The following ADGRB1 variants were observed in gnomAD, a reference collection of about 807,000 sequenced individuals.
ADGRB1 encodes brain-specific angiogenesis inhibitor 1.
In ADGRB1, 36 loss-of-function variants were observed where a neutral mutation model predicts 175.7. The ratio of observed to expected loss-of-function variants is 0.20; its 90% CI spans 0.16 to 0.27. ADGRB1 has a LOEUF of 0.27. Ranked by LOEUF, ADGRB1 falls within the 10% of genes least tolerant of loss-of-function variation. ADGRB1 has a pLI of 1.00. For missense variants in ADGRB1, 1,731 were observed against 2,255.3 expected (o/e 0.77, Z 4.71); for synonymous variants, 1,054 against 979.4 (o/e 1.08, Z -1.42).
chr8:142,520,147 G>T (rs1843699996), intron 19 of ADGRB1, among the ~76,000 whole-genome samples: 3 of 143,052 alleles, frequency 2.1e-5, no homozygotes, highest in Admixed American at 2.1e-4. Context: ...GATGGTGATG[G>T]TGTGATGGTG....
chr8:142,467,626 T>C (rs757762797), intron 2 of ADGRB1, among the ~76,000 whole-genome samples: 8 of 152,154 alleles, frequency 5.3e-5, no homozygotes, highest in Non-Finnish European at 1.2e-4. Context: ...CTCTGACAAC[T>C]GGAGCACCAG....
In ADGRB1 at chr8:142,533,549, G is replaced by C. The variant is rs78796157; in HGVS notation, c.3570+83G>C. 2,281 of 1,446,508 alleles carry C rather than the reference G, an allele frequency of 1.6e-3. 16 individuals carry two copies. The African/African-American group carries it at 0.022, about 14-fold the overall frequency. 89.6% of individuals were successfully genotyped at this position (1,446,508 alleles called of 1,614,324 possible). A position where few individuals can be genotyped will look rare whatever the true frequency, so the allele number is the denominator to read the frequency against. On this transcript the variant is annotated intron_variant, in intron 25 of 30. Transcript: ENST00000517894. Reference sequence around the variant, plus strand: ...GGCCTCCTCCTTCCCCGAGGACCTCGGCAGGGAGATTGTGGGTAGGCGCAG... The same window carrying C: ...GGCCTCCTCCTTCCCCGAGGACCTCCGCAGGGAGATTGTGGGTAGGCGCAG...
Position 142,543,533 on chromosome 8 carries a change from G to A in ADGRB1, c.4450-68G>A, listed in dbSNP as rs1280738448. The A allele has an allele frequency of 6.3e-7, 1 of 1,592,468 alleles. No homozygotes were observed. The highest frequency in any genetic ancestry group is 8.6e-7 in the Non-Finnish European group (1 of 1,168,768). ...CAGCTCCCCGGCAGCCAGGGGACGG[G>A]CGGGGCAGGCAGGATGGGCCATGCC... On this transcript the variant is annotated intron_variant, in intron 29 of 30. Coordinates refer to ENST00000517894, the MANE Select transcript of ADGRB1 (RefSeq NM_001702.3). The surrounding 1 kb of genome is among the most constrained non-coding windows in gnomAD (Gnocchi z 4.4).
chr8:142,506,203 G>A (rs978101120), intron 17 of ADGRB1, among the ~76,000 whole-genome samples: 1 of 152,244 alleles, frequency 6.6e-6, no homozygotes, highest in African/African-American at 2.4e-5. Flanking sequence ...CGAGTGGGAG[G>A]AGTCCCAATG....
In ADGRB1 at chr8:142,533,454, C is replaced by G; in HGVS notation, c.3558C>G (p.Ile1186Met). The G allele has an allele frequency of 6.2e-7, 1 of 1,607,560 alleles. No individual in the cohort carries two copies. The highest frequency in any genetic ancestry group is 8.5e-7 in the Non-Finnish European group (1 of 1,175,752). The change falls in exon 25 of 31, where the codon ATC (isoleucine) becomes ATG (methionine). Residue 1186 changes from isoleucine to methionine, a missense_variant. Physicochemically the swap from Ile to Met is conservative, Grantham distance 10. Around this residue, in one of 8 missense-constraint regions of ADGRB1, gnomAD observed 301 missense variants for 488.4 expected, o/e 0.62. Coordinates refer to ENST00000517894, the MANE Select transcript of ADGRB1 (RefSeq NM_001702.3). ...TCGTCATCGTCATGGTGCACTGTATCCTCCGTAGAGAGGTGGGTGAGGCAG... is the reference window on the plus strand; with the variant it reads ...TCGTCATCGTCATGGTGCACTGTATGCTCCGTAGAGAGGTGGGTGAGGCAG... Reference protein sequence around the residue: ...EGFVIVMVHCILRREVQDAVK... With the variant: ...EGFVIVMVHCMLRREVQDAVK...
intron 17 of ADGRB1, among the ~76,000 whole-genome samples, chr8:142,502,117 A>AT (rs1842599919): frequency 3.5e-4 from 2 of 5,686 alleles, no homozygotes; most frequent in African/African-American, 6.4e-4. Context: ...GACGGAGGTG[A>AT]GGTGGTGGGG....
intron 24 of ADGRB1, among the ~76,000 whole-genome samples, chr8:142,531,679 G>A (rs776894123): frequency 6.6e-6 from 1 of 152,212 alleles, no homozygotes; most frequent in East Asian, 1.9e-4. Context: ...TCCTGGTGTT[G>A]CTCTGGGCTC....
chr8:142,526,516 C>A, intron 23 of ADGRB1, 26 bp from the exon 24 acceptor site: 6 of 1,428,878 alleles, frequency 4.2e-6, no homozygotes, highest in African/African-American at 1.4e-5. Context: ...CCCACCCCCA[C>A]ACCCCCACCA....
intron 9 of ADGRB1, 38 bp downstream of exon 9, chr8:142,479,832 G>C: frequency 6.3e-7 from 1 of 1,582,680 alleles, no homozygotes; most frequent in Non-Finnish European, 8.6e-7. Context: ...GGGGGCTCCC[G>C]TCCTGTCCTC....
intron 16 of ADGRB1, among the ~76,000 whole-genome samples, chr8:142,490,127 C>T (rs556528824): frequency 6.6e-6 from 1 of 152,346 alleles, no homozygotes; most frequent in South Asian, 2.1e-4. Context: ...CACGGGAGAA[C>T]CCAGCCCTGT....
chr8:142,541,796 G>A (rs979687868), intron 27 of ADGRB1, 145 bp from the exon 28 acceptor site: 132 of 876,402 alleles, frequency 1.5e-4, no homozygotes, highest in East Asian at 8.0e-5. Context: ...TTGGCCCTCC[G>A]ATCGGTACCC....
chr8:142,531,937 T>G (rs936937349), intron 24 of ADGRB1, among the ~76,000 whole-genome samples: 1 of 151,902 alleles, frequency 6.6e-6, no homozygotes, highest in Non-Finnish European at 1.5e-5. Context: ...GCACTAGGGG[T>G]GGGAGCAGCA....
chr8:142,526,111 G>A (rs1248789394), intron 23 of ADGRB1, among the ~76,000 whole-genome samples: 1 of 152,182 alleles, frequency 6.6e-6, no homozygotes, highest in Non-Finnish European at 1.5e-5. Flanking sequence ...AATCTGATGG[G>A]AATAGGGGAG....
At position 142,518,127 on chromosome 8, in the gene ADGRB1, G is replaced by A. The variant is rs181379085; in HGVS notation, c.2818-11G>A. 1.5e-5 allele frequency: 25 copies of A among 1,613,050 alleles called. No homozygotes were observed. The highest frequency in any genetic ancestry group is 1.9e-5 in the Non-Finnish European group (23 of 1,179,510). On this transcript the variant is annotated splice_polypyrimidine_tract_variant and intron_variant, in intron 18 of 30. Transcript: ENST00000517894. ...GCCTCACTCCCTGCGGTCTCTTCCC[G>A]GTCCCCACAGAACATGGAGAAGGCG... is the stretch of plus-strand genomic sequence containing the variant.
chr8:142,449,791 G>A lies in ADGRB1; in HGVS notation c.-533G>A, dbSNP rs994062305. 2.0e-5 allele frequency: 3 copies of A among 146,666 alleles called. No individual in the cohort carries two copies. Among genetic ancestry groups the A allele is most frequent in the South Asian group, 3.6e-4 (2 of 5,496 alleles). The allele number at this position is 146,666 out of a possible 1,614,324, so 9.1% of individuals were successfully genotyped here. A position where few individuals can be genotyped will look rare whatever the true frequency, so the allele number is the denominator to read the frequency against. ...GAGCCGGAGAGCCGGGAGCACAGGC[G>A]GCCGCGCCGCGTCCTGGCCCGGCCC... On this transcript the variant is annotated 5_prime_UTR_variant, in exon 1 of 31. Coordinates refer to ENST00000517894, the MANE Select transcript of ADGRB1 (RefSeq NM_001702.3).
intron 18 of ADGRB1, 101 bp from the exon 19 acceptor site, chr8:142,518,037 G>T: frequency 1.8e-6 from 2 of 1,111,092 alleles, no homozygotes; most frequent in Non-Finnish European, 1.3e-6. Context: ...AACGCTGGGG[G>T]TGTGACCCGG....
rs1422296978 is a variant in ADGRB1 at position 142,510,268 on chromosome 8, G to A, written c.2676-664G>A. Among the ~76,000 whole-genome samples, 5 of 152,078 alleles carry A rather than the reference G, an allele frequency of 3.3e-5. No individual in the cohort carries two copies. The highest frequency in any genetic ancestry group is 9.7e-5 in the African/African-American group (4 of 41,430). The stretch of plus-strand genomic sequence containing the variant: ...AGACAGCGGGCGGCTGGGTCAGACC[G>A]CAGAGGGAAGTTTCCAGCGGCAAGC... On this transcript the variant is annotated intron_variant, in intron 17 of 30. Coordinates refer to ENST00000517894, the MANE Select transcript of ADGRB1 (RefSeq NM_001702.3). The surrounding 1 kb of genome is among the most constrained non-coding windows in gnomAD (Gnocchi z 6.3).
intron 13 of ADGRB1, 85 bp from the exon 14 acceptor site, chr8:142,488,279 G>A (rs1841792454): frequency 5.8e-6 from 9 of 1,547,794 alleles, no homozygotes; most frequent in Middle Eastern, 1.7e-4. Context: ...TGCCAGGCCT[G>A]CACCTCAACT....
intron 30 of ADGRB1, 107 bp from the exon 31 acceptor site, chr8:142,544,113 T>TGTCC: frequency 8.4e-7 from 1 of 1,196,580 alleles, no homozygotes; most frequent in Non-Finnish European, 1.2e-6. Context: ...GTCCCCCACC[T>TGTCC]CCCGTCCCTT....
Sources: allele counts gnomAD v4.1 joint callset (sites outside exome capture counted in the v4.1 genomes callset), GRCh38; gene constraint gnomAD v4.1.1; regional missense constraint gnomAD v4.1.1; non-coding constraint Gnocchi (gnomAD v3.1); transcripts MANE v1.5; gene names NCBI Gene and HGNC (gene_info 2026-07-23, HGNC 2026-07-21).